The following SPG7 variants were observed in gnomAD, a reference collection of about 807,000 sequenced individuals.
The protein encoded by SPG7 is mitochondrial inner membrane m-AAA protease component paraplegin.
Under a neutral mutation model 81.9 loss-of-function variants are expected in SPG7, and 103 were observed. The ratio of observed to expected loss-of-function variants is 1.26; its 90% CI spans 1.07 to 1.48. The LOEUF is 1.48. Ranked by LOEUF, SPG7 falls within the 40% of genes most tolerant of loss-of-function variation. SPG7 has a pLI of 0.00. For missense variants in SPG7, 1,241 were observed against 1,087.3 expected, an observed-to-expected ratio of 1.14 and a Z score of -1.99; for synonymous variants, 534 against 444.2, an observed-to-expected ratio of 1.20 and a Z score of -2.54.
chr16:89,544,354 G>A (rs764088483), intron 9 of SPG7: 34 of 406,034 alleles, frequency 8.4e-5, no homozygotes, highest in Non-Finnish European at 1.4e-4. Flanking sequence ...CCGGCTCCCA[G>A]ATGGCACCGT....
At chr16:89,537,071 C>T in intron 9 of SPG7, 2 of 1,563,564 alleles carry the variant, frequency 1.3e-6, no homozygotes, top group East Asian at 2.3e-5. Context: ...TTGTTGAGTG[C>T]CAGCTCTAAA....
At chr16:89,532,416 G>GT in intron 8 of SPG7, 47 bp from the exon 9 acceptor site, 1 of 1,608,056 alleles carries the variant, frequency 6.2e-7, no homozygotes, top group Non-Finnish European at 8.5e-7. Flanking sequence ...AAGAGGCTTT[G>GT]TTTTTTATTA....
At chr16:89,554,273 C>G (rs935860377) in intron 15 of SPG7, among the ~76,000 whole-genome samples, 1 of 139,514 alleles carries the variant, frequency 7.2e-6, no homozygotes, top group African/African-American at 2.6e-5. Context: ...GCCTGTGAGG[C>G]AGCTGTGGGT....
chr16:89,546,794 C>A, intron 11 of SPG7, 34 bp downstream of exon 11: 1 of 1,420,324 alleles, frequency 7.0e-7, no homozygotes, highest in Non-Finnish European at 1.0e-6. Flanking sequence ...GGCAGCGTCA[C>A]GTCCTGAGGG....
At chr16:89,522,386 A>T (rs1437796961) in intron 3 of SPG7, 1 of 152,246 alleles carries the variant, frequency 6.6e-6, no homozygotes, top group African/African-American at 2.4e-5. Context: ...GCAGGAGGAG[A>T]AGAGCTGTGA....
intron 9 of SPG7, chr16:89,533,919 A>T (rs76205072): frequency 3.9e-5 from 6 of 152,268 alleles, no homozygotes; most frequent in Middle Eastern, 3.4e-3. Flanking sequence ...GGAGTGCTGG[A>T]ACCTGAGCTA....
At chr16:89,556,628 A>G in intron 16 of SPG7, 1 of 507,074 alleles carries the variant, frequency 2.0e-6, no homozygotes, top group Non-Finnish European at 3.6e-6. Flanking sequence ...AAGAAATTGC[A>G]GTTGCCAAAA....
chr16:89,525,337 G>C (rs967781445), intron 4 of SPG7, among the ~76,000 whole-genome samples: 8 of 152,188 alleles, frequency 5.3e-5, no homozygotes, highest in Non-Finnish European at 8.8e-5. Context: ...AGAAGACGGT[G>C]CTCATTCACG....
chr16:89,512,934 T>C lies in SPG7; in HGVS notation c.287-14T>C, dbSNP rs2058040875. The C allele has an allele frequency of 6.2e-7, 1 of 1,612,272 alleles. No individual in the cohort carries two copies. Among genetic ancestry groups the C allele is most frequent in the Non-Finnish European group, 8.5e-7 (1 of 1,178,886 alleles). ...CAAAACTTAATTGTTAAATCCTTTCTCTATTTCTCATAGGTGGTACTTTCT... is the reference window on the plus strand; with the variant it reads ...CAAAACTTAATTGTTAAATCCTTTCCCTATTTCTCATAGGTGGTACTTTCT... On this transcript the variant is annotated splice_polypyrimidine_tract_variant and intron_variant, in intron 2 of 16. Transcript: ENST00000645818.
chr16:89,548,255 A>G, intron 12 of SPG7, 142 bp downstream of exon 12: 1 of 655,868 alleles, frequency 1.5e-6, no homozygotes, highest in Non-Finnish European at 2.8e-6. Flanking sequence ...TGCGTAACTC[A>G]TGTCTTTATG....
At chr16:89,523,946 T>C in intron 3 of SPG7, 60 bp from the exon 4 acceptor site, 1 of 1,600,494 alleles carries the variant, frequency 6.2e-7, no homozygotes, top group Non-Finnish European at 8.5e-7. Flanking sequence ...AAGCTCTGGA[T>C]GTCGCCCGTG....
intron 9 of SPG7, chr16:89,543,991 G>A (rs964846318): frequency 1.9e-5 from 3 of 160,760 alleles, no homozygotes; most frequent in Non-Finnish European, 2.8e-5. Context: ...AATCTTATAT[G>A]CTCTGAGTAC....
chr16:89,547,686 C>A lies in SPG7; in HGVS notation c.1553-317C>A, dbSNP rs1298332368. The A allele has an allele frequency of 1.6e-5, 6 of 376,504 alleles. No individual in the cohort carries two copies. The Admixed American group carries it at 2.3e-4, about 14-fold the overall frequency. The allele number at this position is 376,504 out of a possible 1,614,324, so 23.3% of individuals were successfully genotyped here. A position where few individuals can be genotyped will look rare whatever the true frequency, so the allele number is the denominator to read the frequency against. On this transcript the variant is annotated intron_variant, in intron 11 of 16. Transcript: ENST00000645818. ...GGAGTGCAGTGGCGTGATCTTGGCTCCCCGCAGCCTCCGCCTCCTGGGTTC... is the reference window on the plus strand; with the variant it reads ...GGAGTGCAGTGGCGTGATCTTGGCTACCCGCAGCCTCCGCCTCCTGGGTTC...
intron 15 of SPG7, among the ~76,000 whole-genome samples, 177 bp from the exon 16 acceptor site, chr16:89,554,309 C>T (rs995731187): frequency 7.2e-5 from 11 of 152,258 alleles, no homozygotes; most frequent in Admixed American, 2.6e-4. Flanking sequence ...GGCTGGCATG[C>T]GGAGCCCTGC....
intron 3 of SPG7, among the ~76,000 whole-genome samples, chr16:89,516,369 CCT>C: frequency 1.3e-5 from 2 of 151,810 alleles, no homozygotes; most frequent in Non-Finnish European, 2.9e-5. Flanking sequence ...TGGTGAAACC[CCT>C]TGTCTACTAA....
At chr16:89,531,802 C>A in intron 7 of SPG7, 102 bp from the exon 8 acceptor site, 1 of 1,155,420 alleles carries the variant, frequency 8.7e-7, no homozygotes, top group African/African-American at 1.5e-5. Flanking sequence ...ATCATGGCAC[C>A]CACTGCACTC....
At chr16:89,523,708 G>T (rs185698845) in intron 3 of SPG7, 4 of 511,064 alleles carry the variant, frequency 7.8e-6, no homozygotes, top group South Asian at 4.6e-5. Context: ...GACCACAGGC[G>T]TGCACCGTTG....
chr16:89,515,489 G>A (rs1464143338), intron 3 of SPG7, among the ~76,000 whole-genome samples: 1 of 146,426 alleles, frequency 6.8e-6, no homozygotes, highest in Non-Finnish European at 1.5e-5. Context: ...GACTGGTCTT[G>A]AACTCCTGAC....
intron 9 of SPG7, among the ~76,000 whole-genome samples, chr16:89,535,644 C>T (rs1489316574): frequency 6.6e-6 from 1 of 152,202 alleles, no homozygotes; most frequent in Non-Finnish European, 1.5e-5. Flanking sequence ...TCTGTGATGT[C>T]TGAGGTGTCA....
Sources: gnomAD v4.1 joint callset for allele counts (sites outside exome capture counted in the v4.1 genomes callset) on GRCh38, gnomAD v4.1.1 for gene constraint, MANE v1.5 for transcripts, NCBI Gene and HGNC (gene_info 2026-07-23, HGNC 2026-07-21) for gene names.